B4GALT2: variants seen among roughly 807,000 people sequenced by gnomAD.
The protein encoded by B4GALT2 is N-acetyllactosamine synthase.
Under a neutral mutation model 33.2 loss-of-function variants are expected in B4GALT2, and 18 were observed. That is an observed-to-expected ratio of 0.54 (90% CI 0.38 to 0.80). The LOEUF is 0.80. Ranked by LOEUF, B4GALT2 falls within the 30% of genes least tolerant of loss-of-function variation. The pLI is 0.00. For synonymous variants in B4GALT2, 214 were observed against 217.6 expected, an observed-to-expected ratio of 0.98 and a Z score of 0.15; for missense variants, 404 against 526.2, an observed-to-expected ratio of 0.77 and a Z score of 2.27.
chr1:43,979,792 T>A lies in B4GALT2; in HGVS notation c.-53+281T>A, dbSNP rs2154303133. The A allele has an allele frequency of 7.4e-6, 4 of 537,470 alleles. No individual in the cohort carries two copies. The highest frequency in any genetic ancestry group is 9.9e-6 in the Non-Finnish European group (3 of 302,206). 33.3% of individuals were successfully genotyped at this position (537,470 alleles called of 1,614,324 possible). A position where few individuals can be genotyped will look rare whatever the true frequency, so the allele number is the denominator to read the frequency against. ...TACACGTTTCCCCTTGGCCTTTGCC[T>A]CATCCGCTGCCCTCCACCCACTCCC... On this transcript the variant is annotated intron_variant, in intron 1 of 6. Transcript: ENST00000372324. This position sits in a 1 kb window ranked among gnomAD's most constrained non-coding sequence, Gnocchi z 4.8.
Position 43,990,554 on chromosome 1 carries a change from T to C in B4GALT2, c.*106T>C. The C allele has an allele frequency of 2.7e-6, 4 of 1,486,878 alleles. No homozygotes were observed. The highest frequency in any genetic ancestry group is 3.7e-6 in the Non-Finnish European group (4 of 1,088,802). 92.1% of individuals were successfully genotyped at this position (1,486,878 alleles called of 1,614,324 possible). On this transcript the variant is annotated 3_prime_UTR_variant, in exon 7 of 7. Transcript: ENST00000372324. ...AGGACCTCCAGGACTGAGACTGGGC[T>C]CTGTTTTCCAAGGGTCTTCACTAGG... is the stretch of plus-strand genomic sequence containing the variant.
intron 6 of B4GALT2, 149 bp downstream of exon 6, chr1:43,985,770 T>A (rs2085652373): frequency 1.4e-6 from 1 of 709,310 alleles, no homozygotes; most frequent in Admixed American, 2.3e-5. Context: ...TGCCACTGAT[T>A]CCCTGATGTG....
In B4GALT2 at chr1:43,981,292, C is replaced by T; in HGVS notation, c.132C>T (p.Arg44=). 6.2e-7 allele frequency: 1 copy of T among 1,605,540 alleles called. No homozygotes were observed. The highest frequency in any genetic ancestry group is 1.1e-5 in the South Asian group (1 of 91,088). ...CCCAGCACCTGGCCTTCTTCAGCCGCTTCAGTGCCCGAGGCCCTGCCCATG... is the reference window on the plus strand; with the variant it reads ...CCCAGCACCTGGCCTTCTTCAGCCGTTTCAGTGCCCGAGGCCCTGCCCATG... ...VYAQHLAFFS[R]FSARGPAHAL... The change falls in exon 2 of 7, where the codon CGC becomes CGT. Residue 44 remains arginine (R), a synonymous_variant. Transcript: ENST00000372324. This position sits in a 1 kb window ranked among gnomAD's most constrained non-coding sequence, Gnocchi z 8.1.
chr1:43,988,719 C>T (rs1027028777), intron 6 of B4GALT2, among the ~76,000 whole-genome samples: 6 of 152,034 alleles, frequency 3.9e-5, no homozygotes, highest in South Asian at 2.1e-4. Flanking sequence ...TGGTGGTGTG[C>T]ACCTGTAGTC....
chr1:43,986,977 G>C (rs924142606), intron 6 of B4GALT2, among the ~76,000 whole-genome samples: 1 of 152,174 alleles, frequency 6.6e-6, no homozygotes, highest in Non-Finnish European at 1.5e-5. Context: ...CGGGGTAGGA[G>C]TGGGGGAGGT....
At chr1:43,985,947 C>T (rs938924745) in intron 6 of B4GALT2, 5 of 374,670 alleles carry the variant, frequency 1.3e-5, no homozygotes, top group Admixed American at 4.1e-5. Flanking sequence ...TTGGTGCCCT[C>T]GAAGACCTCA....
intron 3 of B4GALT2, among the ~76,000 whole-genome samples, chr1:43,983,988 C>G (rs922750236): frequency 6.6e-6 from 1 of 152,188 alleles, no homozygotes; most frequent in African/African-American, 2.4e-5. Context: ...TCTCCAGGAA[C>G]CTTTCTGGTT....
chr1:43,985,053 C>T lies in B4GALT2; in HGVS notation c.738C>T (p.Phe246=). The T allele has an allele frequency of 1.9e-6, 3 of 1,613,598 alleles. No homozygotes were observed. The highest frequency in any genetic ancestry group is 2.5e-6 in the Non-Finnish European group (3 of 1,179,902). ...HFAIAMDKFG[F]RLPYAGYFGG... is the part of the protein sequence containing the mutation. The stretch of plus-strand genomic sequence containing the variant: ...CCATTGCCATGGACAAGTTTGGCTT[C>T]CGGTGAGGGCTCTCTTCTCAGCTGG... The change falls in exon 4 of 7, where the codon TTC becomes TTT. Residue 246 remains phenylalanine (F), a splice_region_variant and synonymous_variant. Transcript: ENST00000372324.
rs903615059 is a variant in B4GALT2, at chr1:43,982,673, T to C, written c.549+749T>C. Among the ~76,000 whole-genome samples the C allele has an allele frequency of 3.3e-5, 5 of 152,212 alleles. No individual in the cohort carries two copies. Among genetic ancestry groups the C allele is most frequent in the African/African-American group, 1.2e-4 (5 of 41,452 alleles). On this transcript the variant is annotated intron_variant, in intron 3 of 6. Transcript: ENST00000372324. This position sits in a 1 kb window ranked among gnomAD's most constrained non-coding sequence, Gnocchi z 4.3. ...GAGGTGTGGTGTCCAGCATGTGGAC[T>C]GGGTAGCAAAGATGAGGCTGGAGGA...
intron 5 of B4GALT2, 50 bp downstream of exon 5, chr1:43,985,450 G>GGGGGGGGGGGT (rs1553155406): frequency 1.2e-6 from 1 of 822,530 alleles, no homozygotes; most frequent in South Asian, 1.6e-5. Flanking sequence ...GGGAGGGGGG[G>GGGGGGGGGGGT]TGCAGACTGG....
chr1:43,983,797 A>T (rs996924295), intron 3 of B4GALT2, among the ~76,000 whole-genome samples: 2 of 152,068 alleles, frequency 1.3e-5, no homozygotes, highest in Non-Finnish European at 2.9e-5. Flanking sequence ...GAGGAAAGCG[A>T]TGGTCTCTCC....
chr1:43,979,906 C>T lies in B4GALT2; in HGVS notation c.-53+395C>T. 1 of 1,332,516 alleles carries T rather than the reference C, an allele frequency of 7.5e-7. No individual in the cohort carries two copies. Among genetic ancestry groups the T allele is most frequent in the Non-Finnish European group, 1.0e-6 (1 of 980,998 alleles). The allele number at this position is 1,332,516 out of a possible 1,614,324, so 82.5% of individuals were successfully genotyped here. ...TCAGCCTGCCAGCCCCGCCCAAACG[C>T]ACCCCTCAGCCTGGCCGCCAGCCTG... On this transcript the variant is annotated intron_variant, in intron 1 of 6. Transcript: ENST00000372324. This position sits in a 1 kb window ranked among gnomAD's most constrained non-coding sequence, Gnocchi z 4.8.
chr1:43,982,438 C>T lies in B4GALT2; in HGVS notation c.549+514C>T, dbSNP rs869896. On this transcript the variant is annotated intron_variant, in intron 3 of 6. Coordinates refer to ENST00000372324, the MANE Select transcript of B4GALT2 (RefSeq NM_003780.5). This position sits in a 1 kb window ranked among gnomAD's most constrained non-coding sequence, Gnocchi z 4.3. ...CCTAGACTTGGACATGGGTCCCTCC[C>T]GTATGATGGGACACAAGTGGAGGTG... Among the ~76,000 whole-genome samples the T allele has an allele frequency of 0.059, 9,007 of 152,112 alleles. 290 individuals are homozygous for T. The highest frequency in any genetic ancestry group is 0.17 in the East Asian group (862 of 5,150).
At chr1:43,983,975 C>G (rs984198998) in intron 3 of B4GALT2, among the ~76,000 whole-genome samples, 12 of 152,288 alleles carry the variant, frequency 7.9e-5, no homozygotes, top group East Asian at 1.9e-4. Context: ...CTCACCGATC[C>G]CCTCTCCAGG....
In B4GALT2 at chr1:43,981,815, T is replaced by A; in HGVS notation, c.440T>A (p.Val147Asp). Residue 147 changes from valine to aspartate, a missense_variant, in exon 3 of 7, where the codon GTC becomes GAC. By Grantham distance (152) the Val-to-Asp change is radical. Transcript: ENST00000372324. The surrounding 1 kb of genome is among the most constrained non-coding windows in gnomAD (Gnocchi z 8.1). The stretch of plus-strand genomic sequence containing the variant: ...TGCACCCCAGCCCAGACGGTGGCGG[T>A]CATCATCCCCTTTAGACACCGGGAA... ...PDCTPAQTVA[V>D]IIPFRHREHH... is the part of the protein sequence containing the mutation. 6.2e-7 allele frequency: 1 copy of A among 1,613,774 alleles called. No individual in the cohort carries two copies. Among genetic ancestry groups the A allele is most frequent in the Non-Finnish European group, 8.5e-7 (1 of 1,179,984 alleles).
rs2085571742 is a variant in B4GALT2 at position 43,979,664 on chromosome 1, C to G, written c.-53+153C>G. ...GACCCCGGCCTGGCTGCCCCCACCC[C>G]GCCCCCACTCCGGCGCCCCTCCTGG... On this transcript the variant is annotated intron_variant, in intron 1 of 6. Transcript: ENST00000372324. This position sits in a 1 kb window ranked among gnomAD's most constrained non-coding sequence, Gnocchi z 4.8. 1 of 214,788 alleles carries G rather than the reference C, an allele frequency of 4.7e-6. No individual in the cohort carries two copies. Among genetic ancestry groups the G allele is most frequent in the Non-Finnish European group, 9.3e-6 (1 of 107,200 alleles). The allele number at this position is 214,788 out of a possible 1,614,324, so 13.3% of individuals were successfully genotyped here.
chr1:43,981,812 C>T lies in B4GALT2; in HGVS notation c.437C>T (p.Ala146Val), dbSNP rs2085600826. ...PPDCTPAQTV[A>V]VIIPFRHREH... ...GACTGCACCCCAGCCCAGACGGTGG[C>T]GGTCATCATCCCCTTTAGACACCGG... Residue 146 changes from alanine (A) to valine (V), a missense_variant, in exon 3 of 7, where the codon GCG becomes GTG. Physicochemically the swap from Ala to Val is moderately conservative, Grantham distance 64 (BLOSUM62 0). Coordinates refer to ENST00000372324, the MANE Select transcript of B4GALT2 (RefSeq NM_003780.5). This position sits in a 1 kb window ranked among gnomAD's most constrained non-coding sequence, Gnocchi z 8.1. The T allele has an allele frequency of 2.5e-6, 4 of 1,613,748 alleles. No homozygotes were observed. Among genetic ancestry groups the T allele is most frequent in the Non-Finnish European group, 2.5e-6 (3 of 1,180,030 alleles).
chr1:43,986,408 C>G (rs1370915004), intron 6 of B4GALT2, among the ~76,000 whole-genome samples: 1 of 152,148 alleles, frequency 6.6e-6, no homozygotes, highest in Non-Finnish European at 1.5e-5. Flanking sequence ...TGATGGTAAC[C>G]TGGAGTTTGA....
In B4GALT2 at chr1:43,981,693, C is replaced by A. The variant is rs1158334643; in HGVS notation, c.318C>A (p.Gly106=). Reference sequence around the variant, plus strand: ...CTGACACTGTCCTGTCTGCAGTGGGCAGACTGCTGATCGAGTTCACCTCAC... The same window carrying A: ...CTGACACTGTCCTGTCTGCAGTGGGAAGACTGCTGATCGAGTTCACCTCAC... ...PCPDSPPGLV[G]RLLIEFTSPM... Residue 106 remains glycine (G), a synonymous_variant, in exon 3 of 7, where the codon GGC becomes GGA. Transcript: ENST00000372324. This position sits in a 1 kb window ranked among gnomAD's most constrained non-coding sequence, Gnocchi z 8.1. 1 of 1,607,758 alleles carries A rather than the reference C, an allele frequency of 6.2e-7. No individual in the cohort carries two copies. Among genetic ancestry groups the A allele is most frequent in the Admixed American group, 1.7e-5 (1 of 59,746 alleles).
Sources: allele counts gnomAD v4.1 joint callset (sites outside exome capture counted in the v4.1 genomes callset), GRCh38; gene constraint gnomAD v4.1.1; non-coding constraint Gnocchi (gnomAD v3.1); transcripts MANE v1.5; gene names NCBI Gene and HGNC (gene_info 2026-07-23, HGNC 2026-07-21).